NAALADL2: variants seen among roughly 807,000 people sequenced by gnomAD.
The protein encoded by NAALADL2 is inactive N-acetylated-alpha-linked acidic dipeptidase-like protein 2.
NAALADL2 carries 76 observed loss-of-function variants against 87.2 expected under a neutral mutation model. The ratio of observed to expected loss-of-function variants is 0.87; its 90% CI spans 0.72 to 1.05. The LOEUF is 1.05. Among genes scored for constraint, NAALADL2 ranks in the 50% least tolerant of loss-of-function variants. NAALADL2 has a pLI of 0.00. For missense variants in NAALADL2, 1,089 were observed against 945.8 expected (o/e 1.15, Z -1.99); for synonymous variants, 354 against 331.0 (o/e 1.07, Z -0.75).
intron 2 of NAALADL2, among the ~76,000 whole-genome samples, chr3:174,705,460 C>T (rs952551342): frequency 5.3e-5 from 8 of 152,164 alleles, no homozygotes; most frequent in Admixed American, 5.2e-4. Flanking sequence ...TTCCAGGACA[C>T]ATTACCCATG....
In NAALADL2 at chr3:175,803,607, A is replaced by G. The variant is rs571945970; in HGVS notation, c.*404A>G. The G allele has an allele frequency of 6.5e-6, 1 of 154,914 alleles. No individual in the cohort carries two copies. The highest frequency in any genetic ancestry group is 2.0e-4 in the South Asian group (1 of 5,018). 9.6% of individuals were successfully genotyped at this position (154,914 alleles called of 1,614,324 possible). On this transcript the variant is annotated 3_prime_UTR_variant, in exon 14 of 14. Coordinates refer to ENST00000454872, the MANE Select transcript of NAALADL2 (RefSeq NM_207015.3). ...GACTTAGTTTCTGTAAAAGAAATGG[A>G]GAGTTGATATGGTTCAGATTAACTT...
chr3:174,686,978 T>A (rs112391656), intron 2 of NAALADL2, among the ~76,000 whole-genome samples: 9 of 152,176 alleles, frequency 5.9e-5, no homozygotes, highest in African/African-American at 2.2e-4. Flanking sequence ...AGAGAAATTT[T>A]TTTAGTCATT....
chr3:175,171,018 C>G (rs1339844563), intron 2 of NAALADL2, among the ~76,000 whole-genome samples: 1 of 151,732 alleles, frequency 6.6e-6, no homozygotes, highest in Non-Finnish European at 1.5e-5. Flanking sequence ...CTCTAGTTTC[C>G]ATAAGGAATA....
chr3:174,718,917 A>G (rs1181421213), intron 2 of NAALADL2, among the ~76,000 whole-genome samples: 6 of 152,032 alleles, frequency 3.9e-5, no homozygotes, highest in East Asian at 1.9e-4. Context: ...AAATCATTGG[A>G]AAAAAAATGC....
intron 1 of NAALADL2, among the ~76,000 whole-genome samples, chr3:174,883,208 C>T (rs747529253): frequency 2.0e-5 from 3 of 151,996 alleles, no homozygotes; most frequent in Admixed American, 6.6e-5. Flanking sequence ...CTGCCTTTCC[C>T]AGCCTACTGA....
chr3:175,733,996 C>T (rs1583050746), intron 11 of NAALADL2, among the ~76,000 whole-genome samples: 1 of 152,156 alleles, frequency 6.6e-6, no homozygotes, highest in Admixed American at 6.5e-5. Context: ...TAGCCCCCCT[C>T]CTGGCTGCTT....
chr3:174,794,981 C>CTTTTTTTTTTTTTTTTTTT lies in NAALADL2; in HGVS notation c.-9+57244_-9+57262dup, dbSNP rs772447340. Reference sequence around the variant, plus strand: ...TTAAAAGTTGAAACTTCTAGTCCAGCTTTTTTTTTTTTTTTTTTTTTTTTT... The same window carrying CTTTTTTTTTTTTTTTTTTT: ...TTAAAAGTTGAAACTTCTAGTCCAGCTTTTTTTTTTTTTTTTTTTTTTTTTTTTTTTTTTTTTTTTTTTT... On this transcript the variant is annotated intron_variant, in intron 3 of 3. Transcript: ENST00000434257. Among the ~76,000 whole-genome samples the CTTTTTTTTTTTTTTTTTTT allele has an allele frequency of 8.7e-4, 58 of 66,706 alleles. 13 individuals carry two copies. The highest frequency in any genetic ancestry group is 1.2e-3 in the Non-Finnish European group (44 of 36,340). 43.8% of individuals were successfully genotyped at this position (66,706 alleles called of 152,430 possible).
chr3:174,658,462 AG>A (rs1560123570), intron 2 of NAALADL2, among the ~76,000 whole-genome samples: 1 of 152,044 alleles, frequency 6.6e-6, no homozygotes, highest in African/African-American at 2.4e-5. Flanking sequence ...TTTTTAAATC[AG>A]GGTTTTTTAT....
chr3:175,163,716 A>G (rs948943751), intron 2 of NAALADL2, among the ~76,000 whole-genome samples: 2 of 152,096 alleles, frequency 1.3e-5, no homozygotes, highest in African/African-American at 2.4e-5. Flanking sequence ...TTATTTTTCA[A>G]TTCATCTGTT....
intron 2 of NAALADL2, among the ~76,000 whole-genome samples, chr3:174,697,158 G>C (rs1352668849): frequency 6.6e-6 from 1 of 152,106 alleles, no homozygotes; most frequent in African/African-American, 2.4e-5. Flanking sequence ...CTTGATGATA[G>C]CAATGCCATA....
At chr3:174,819,301 G>A (rs540346001) in intron 3 of NAALADL2, among the ~76,000 whole-genome samples, 1 of 151,826 alleles carries the variant, frequency 6.6e-6, no homozygotes, top group Non-Finnish European at 1.5e-5. Context: ...CTGAGGTCAA[G>A]CAATCTGCCT....
At chr3:175,093,180 A>T (rs1720463956) in intron 1 of NAALADL2, among the ~76,000 whole-genome samples, 1 of 151,718 alleles carries the variant, frequency 6.6e-6, no homozygotes, top group African/African-American at 2.4e-5. Flanking sequence ...TGTGTAAGAC[A>T]TGCTGATTTT....
rs539521469 is a variant in NAALADL2, at chr3:174,713,481, T to G, written c.-114-24160T>G. ...CCAGCACCTGTTGTTTCCTGACTTT[T>G]TAATGACTGCCATTCTAACTGGTGT... On this transcript the variant is annotated intron_variant, in intron 2 of 3. Coordinates refer to the NAALADL2 transcript ENST00000434257. Among the ~76,000 whole-genome samples, 679 of 151,538 alleles carry G rather than the reference T, an allele frequency of 4.5e-3. 6 individuals carry two copies. Among genetic ancestry groups the G allele is most frequent in the African/African-American group, 0.016 (653 of 40,830 alleles).
At chr3:174,676,268 G>A (rs1727023806) in intron 2 of NAALADL2, among the ~76,000 whole-genome samples, 1 of 152,000 alleles carries the variant, frequency 6.6e-6, no homozygotes, top group Non-Finnish European at 1.5e-5. Context: ...TATAAGTGTG[G>A]GAACACTGGC....
chr3:175,395,051 G>C (rs1334642777), intron 5 of NAALADL2, among the ~76,000 whole-genome samples: 1 of 151,994 alleles, frequency 6.6e-6, no homozygotes, highest in Non-Finnish European at 1.5e-5. Flanking sequence ...CTATTACTAA[G>C]TAAAATAAGG....
At chr3:175,772,661 G>A (rs1362748345) in intron 13 of NAALADL2, among the ~76,000 whole-genome samples, 1 of 152,146 alleles carries the variant, frequency 6.6e-6, no homozygotes, top group Non-Finnish European at 1.5e-5. Flanking sequence ...TTCCGTCTTT[G>A]ATCTCAGAGA....
At chr3:174,591,103 G>A (rs1717314819) in intron 2 of NAALADL2, among the ~76,000 whole-genome samples, 1 of 152,190 alleles carries the variant, frequency 6.6e-6, no homozygotes, top group Admixed American at 6.5e-5. Context: ...TGAAGGCTGG[G>A]AAGGAGACTG....
At chr3:175,380,879 A>G (rs541747732) in intron 5 of NAALADL2, among the ~76,000 whole-genome samples, 14 of 152,244 alleles carry the variant, frequency 9.2e-5, no homozygotes, top group African/African-American at 3.4e-4. Context: ...TCAATTATAA[A>G]GCTTTAAATA....
chr3:175,558,672 A>G (rs1269253531), intron 9 of NAALADL2, among the ~76,000 whole-genome samples: 1 of 152,178 alleles, frequency 6.6e-6, no homozygotes, highest in African/African-American at 2.4e-5. Flanking sequence ...TCATTTATTG[A>G]AAAACACTGT....
Sources: gnomAD v4.1 joint callset for allele counts (sites outside exome capture counted in the v4.1 genomes callset) on GRCh38, gnomAD v4.1.1 for gene constraint, MANE v1.5 for transcripts, NCBI Gene and HGNC (gene_info 2026-07-23, HGNC 2026-07-21) for gene names.